Variants in ROBO2 observed in about 807,000 individuals in gnomAD.
ROBO2 encodes roundabout guidance receptor 2.
A neutral mutation model predicts 160.8 loss-of-function variants in ROBO2; 53 were observed. The ratio of observed to expected loss-of-function variants is 0.33; its 90% CI spans 0.26 to 0.41. The LOEUF is 0.41. Ranked by LOEUF, ROBO2 falls within the 10% of genes least tolerant of loss-of-function variation. The probability of loss-of-function intolerance (pLI) is 1.00; values close to 1 mark genes in which losing one functional copy is unlikely to be tolerated. For synonymous variants in ROBO2, 664 were observed against 611.7 expected (o/e 1.09, Z -1.26); for missense variants, 1,577 against 1,722.4 (o/e 0.92, Z 1.49).
chr3:76,417,965 T>C (rs2075821557), intron 2 of ROBO2, among the ~76,000 whole-genome samples: 1 of 152,002 alleles, frequency 6.6e-6, no homozygotes, highest in South Asian at 2.1e-4. Context: ...CAATAACTTT[T>C]GCACCAACCT....
intron 2 of ROBO2, among the ~76,000 whole-genome samples, chr3:76,293,054 T>C (rs1213323023): frequency 2.6e-5 from 4 of 152,132 alleles, no homozygotes; most frequent in Non-Finnish European, 5.9e-5. Context: ...AAGTTTTTGC[T>C]TTTATATTTT....
At chr3:76,050,664 G>A (rs1198836630) in intron 2 of ROBO2, among the ~76,000 whole-genome samples, 3 of 152,090 alleles carry the variant, frequency 2.0e-5, no homozygotes, top group Non-Finnish European at 4.4e-5. Context: ...ATCGAGTTCT[G>A]CAACGGCTGT....
chr3:77,632,695 A>G (rs1416253368), intron 23 of ROBO2: 4 of 1,497,396 alleles, frequency 2.7e-6, no homozygotes, highest in Non-Finnish European at 3.6e-6. Context: ...GCATGAGAGA[A>G]TCTTGTCCTT....
At chr3:76,018,384 T>C (rs1291844366) in intron 2 of ROBO2, among the ~76,000 whole-genome samples, 1 of 151,956 alleles carries the variant, frequency 6.6e-6, no homozygotes, top group African/African-American at 2.4e-5. Flanking sequence ...TATATAAGAA[T>C]TAGCCTTTGG....
intron 2 of ROBO2, among the ~76,000 whole-genome samples, chr3:76,654,913 G>GTGTATATA (rs536883164): frequency 0.03 from 2,257 of 74,058 alleles, 39 homozygotes; most frequent in South Asian, 0.045. Context: ...ATATGTGTGT[G>GTGTATATA]TATATATATA....
Position 76,151,175 on chromosome 3 carries a change from A to G in ROBO2, c.109+213573A>G, listed in dbSNP as rs1029056618. On this transcript the variant is annotated intron_variant, in intron 2 of 26. Transcript: ENST00000487694. Reference sequence around the variant, plus strand: ...ACTACTTCTTGAGGCCCTCATTCATATAACTAAAACAGTCCATTAAGAAAT... The same window carrying G: ...ACTACTTCTTGAGGCCCTCATTCATGTAACTAAAACAGTCCATTAAGAAAT... Among the ~76,000 whole-genome samples the G allele has an allele frequency of 2.0e-5, 3 of 152,132 alleles. No individual in the cohort carries two copies. The East Asian group carries it at 5.8e-4, about 29-fold the overall frequency.
intron 2 of ROBO2, among the ~76,000 whole-genome samples, chr3:76,786,140 A>T (rs2062957815): frequency 6.6e-6 from 1 of 151,286 alleles, no homozygotes; most frequent in African/African-American, 2.4e-5. Context: ...TCAAGGTTTT[A>T]ATCACCTGTA....
intron 2 of ROBO2, among the ~76,000 whole-genome samples, chr3:76,934,551 C>A (rs1042202925): frequency 6.6e-6 from 1 of 152,030 alleles, no homozygotes; most frequent in Non-Finnish European, 1.5e-5. Context: ...TCGAGACCGT[C>A]CTGGACAACA....
intron 2 of ROBO2, among the ~76,000 whole-genome samples, chr3:76,701,706 A>C (rs1190803430): frequency 6.6e-6 from 1 of 152,108 alleles, no homozygotes; most frequent in East Asian, 1.9e-4. Flanking sequence ...GAAGGCTGTT[A>C]GATTAAAAGC....
At chr3:76,457,278 G>A (rs1278370490) in intron 2 of ROBO2, among the ~76,000 whole-genome samples, 1 of 152,192 alleles carries the variant, frequency 6.6e-6, no homozygotes. Flanking sequence ...GGTAAATACA[G>A]CCATTCCAAA....
chr3:77,231,325 T>C (rs1446126802), intron 2 of ROBO2, among the ~76,000 whole-genome samples: 2 of 137,566 alleles, frequency 1.5e-5, no homozygotes, highest in African/African-American at 5.7e-5. Context: ...ATCACGCCAC[T>C]GTACTCCAGC....
chr3:77,530,714 A>G (rs1050234071), intron 6 of ROBO2, among the ~76,000 whole-genome samples: 6 of 152,034 alleles, frequency 3.9e-5, no homozygotes, highest in Admixed American at 3.3e-4. Flanking sequence ...TCACTTTAAT[A>G]ATTAAAAATC....
intron 2 of ROBO2, among the ~76,000 whole-genome samples, chr3:76,348,504 G>A (rs1481393801): frequency 1.3e-5 from 2 of 152,046 alleles, no homozygotes; most frequent in Non-Finnish European, 2.9e-5. Context: ...CATTTAAGAA[G>A]AATTAGGCTA....
chr3:77,324,623 C>A (rs2065167155), intron 2 of ROBO2, among the ~76,000 whole-genome samples: 1 of 149,146 alleles, frequency 6.7e-6, no homozygotes, highest in African/African-American at 2.5e-5. Flanking sequence ...ACTAAAAATA[C>A]AAAAAAATTA....
At chr3:77,402,370 A>T (rs1581666487) in intron 2 of ROBO2, among the ~76,000 whole-genome samples, 1 of 152,256 alleles carries the variant, frequency 6.6e-6, no homozygotes, top group East Asian at 1.9e-4. Context: ...CCACAATGGC[A>T]CGTGTATACC....
At chr3:76,814,369 C>T (rs546046249) in intron 2 of ROBO2, among the ~76,000 whole-genome samples, 7 of 152,174 alleles carry the variant, frequency 4.6e-5, no homozygotes, top group African/African-American at 1.4e-4. Context: ...TTTCTCTTTT[C>T]CACATCTTTT....
At chr3:76,255,298 C>A (rs1043041635) in intron 2 of ROBO2, among the ~76,000 whole-genome samples, 2 of 152,004 alleles carry the variant, frequency 1.3e-5, no homozygotes, top group Non-Finnish European at 2.9e-5. Flanking sequence ...GGGTTTTAGC[C>A]CTATCTGGAA....
rs568062587 is a variant in ROBO2, at chr3:76,546,865, T to C, written c.110-551149T>C. On this transcript the variant is annotated intron_variant, in intron 2 of 26. Transcript: ENST00000487694. ...TTGCTGTCTTGATGTCTTTGCTATATTGACCTAAGCCAAATTCAAACTACT... is the reference window on the plus strand; with the variant it reads ...TTGCTGTCTTGATGTCTTTGCTATACTGACCTAAGCCAAATTCAAACTACT... 6.6e-5 allele frequency among the ~76,000 whole-genome samples: 10 copies of C among 152,108 alleles called. No homozygotes were observed. In the South Asian group the frequency reaches 2.1e-3, roughly 32 times the overall value.
chr3:76,963,946 T>G (rs1038284835), intron 2 of ROBO2, among the ~76,000 whole-genome samples: 1 of 152,076 alleles, frequency 6.6e-6, no homozygotes, highest in Non-Finnish European at 1.5e-5. Context: ...TCCCAGTTAT[T>G]TTTTTCTGTT....
Sources: allele counts gnomAD v4.1 joint callset (sites outside exome capture counted in the v4.1 genomes callset), GRCh38; gene constraint gnomAD v4.1.1; transcripts MANE v1.5; gene names NCBI Gene and HGNC (gene_info 2026-07-23, HGNC 2026-07-21).